Variants in TRAPPC9 observed in about 807,000 individuals in gnomAD.
The protein encoded by TRAPPC9 is IKK2 binding protein.
TRAPPC9 carries 83 observed loss-of-function variants against 124.0 expected under a neutral mutation model. The ratio of observed to expected loss-of-function variants is 0.67; its 90% CI spans 0.56 to 0.80. TRAPPC9 has a LOEUF of 0.80. Among genes scored for constraint, TRAPPC9 ranks in the 30% least tolerant of loss-of-function variants. The pLI is 0.00. For missense variants in TRAPPC9, 1,302 were observed against 1,508.3 expected (o/e 0.86, Z 2.27); for synonymous variants, 638 against 617.5 (o/e 1.03, Z -0.49).
intron 21 of TRAPPC9, among the ~76,000 whole-genome samples, chr8:139,791,714 T>C (rs1250825292): frequency 6.6e-6 from 1 of 152,214 alleles, no homozygotes; most frequent in Non-Finnish European, 1.5e-5. Context: ...CAGGGCAGCA[T>C]GGTGGTCACA....
At chr8:140,356,331 A>C (rs986772210) in intron 9 of TRAPPC9, among the ~76,000 whole-genome samples, 3 of 152,172 alleles carry the variant, frequency 2.0e-5, no homozygotes, top group Non-Finnish European at 4.4e-5. Context: ...AACACAATCT[A>C]CTTCTCAGTG....
At chr8:139,866,341 A>T (rs921326451) in intron 21 of TRAPPC9, among the ~76,000 whole-genome samples, 3 of 152,142 alleles carry the variant, frequency 2.0e-5, no homozygotes, top group Non-Finnish European at 2.9e-5. Flanking sequence ...GTCCATTCAG[A>T]TGGTCAGGGG....
At chr8:140,429,964 T>C (rs994191674) in intron 4 of TRAPPC9, among the ~76,000 whole-genome samples, 3 of 152,022 alleles carry the variant, frequency 2.0e-5, no homozygotes, top group African/African-American at 4.8e-5. Context: ...TTGGCCAACA[T>C]AGCGAAACCG....
At chr8:140,244,613 A>T (rs1389100699) in intron 16 of TRAPPC9, among the ~76,000 whole-genome samples, 4 of 152,268 alleles carry the variant, frequency 2.6e-5, no homozygotes, top group African/African-American at 7.2e-5. Context: ...CTAATTTATC[A>T]ATCTTCCCGA....
intron 18 of TRAPPC9, among the ~76,000 whole-genome samples, chr8:140,018,324 A>ATT (rs1554608008): frequency 0.032 from 3,864 of 119,760 alleles, 427 homozygotes; most frequent in South Asian, 0.088. Context: ...AACGTAAGTG[A>ATT]TTTTTTTTTT....
At chr8:140,113,516 C>T (rs541986068) in intron 17 of TRAPPC9, among the ~76,000 whole-genome samples, 3 of 152,328 alleles carry the variant, frequency 2.0e-5, no homozygotes, top group Non-Finnish European at 4.4e-5. Flanking sequence ...CACCCTTTCC[C>T]GGCTTCAGGG....
Position 140,252,218 on chromosome 8 carries a change from A to C in TRAPPC9, c.2431+559T>G, listed in dbSNP as rs578112778. Among the ~76,000 whole-genome samples the C allele has an allele frequency of 6.6e-6, 1 of 152,042 alleles. No homozygotes were observed. Among genetic ancestry groups the C allele is most frequent in the Non-Finnish European group, 1.5e-5 (1 of 67,986 alleles). On this transcript the variant is annotated intron_variant, in intron 16 of 22. Transcript: ENST00000438773. The surrounding 1 kb of genome is among the most constrained non-coding windows in gnomAD (Gnocchi z 4.2). The stretch of plus-strand genomic sequence containing the variant: ...TTTTTGTATTGTTAATAGAGACAGG[A>C]TTTCACCATGTTGTCCAGGCTGGTC...
intron 5 of TRAPPC9, among the ~76,000 whole-genome samples, chr8:140,425,596 C>CGGGG (rs1194591624): frequency 5.5e-4 from 83 of 152,256 alleles, no homozygotes; most frequent in African/African-American, 2.0e-3. Context: ...ATCTAATTCT[C>CGGGG]CTACAACTAA....
At chr8:139,989,467 C>T (rs918772545) in intron 18 of TRAPPC9, among the ~76,000 whole-genome samples, 1 of 152,242 alleles carries the variant, frequency 6.6e-6, no homozygotes, top group East Asian at 1.9e-4. Context: ...TCCCATTGTT[C>T]CTTGCAAGGG....
At chr8:139,746,845 C>T (rs573281025) in intron 21 of TRAPPC9, among the ~76,000 whole-genome samples, 3 of 152,208 alleles carry the variant, frequency 2.0e-5, no homozygotes, top group Non-Finnish European at 4.4e-5. Context: ...AGGCACTGGG[C>T]CTCTAGTCCC....
chr8:140,220,659 A>C (rs1189332815), intron 17 of TRAPPC9, among the ~76,000 whole-genome samples: 2 of 152,168 alleles, frequency 1.3e-5, no homozygotes, highest in African/African-American at 2.4e-5. Context: ...TGGTTGAGTG[A>C]CAGCAGCTCC....
chr8:139,914,482 G>A (rs1041331452), intron 19 of TRAPPC9, among the ~76,000 whole-genome samples: 1 of 152,240 alleles, frequency 6.6e-6, no homozygotes, highest in Non-Finnish European at 1.5e-5. Flanking sequence ...GCAGCGCAGC[G>A]GGAGATGGCG....
chr8:140,270,099 C>CA (rs1033862470), intron 15 of TRAPPC9, among the ~76,000 whole-genome samples: 99 of 140,738 alleles, frequency 7.0e-4, no homozygotes, highest in African/African-American at 8.3e-4. Flanking sequence ...GACTCCATCT[C>CA]AAAAAAAAAA....
At chr8:140,212,276 G>C (rs1296139440) in intron 17 of TRAPPC9, among the ~76,000 whole-genome samples, 1 of 152,228 alleles carries the variant, frequency 6.6e-6, no homozygotes, top group African/African-American at 2.4e-5. Flanking sequence ...TCCTGTTTCT[G>C]ATTTGCTGAG....
intron 7 of TRAPPC9, among the ~76,000 whole-genome samples, chr8:140,393,195 C>T (rs2068982899): frequency 6.6e-6 from 1 of 152,054 alleles, no homozygotes; most frequent in Admixed American, 6.6e-5. Flanking sequence ...CCTCAGCCTC[C>T]CGAGTAGCTG....
At chr8:139,770,996 T>G (rs926286540) in intron 21 of TRAPPC9, among the ~76,000 whole-genome samples, 6 of 152,084 alleles carry the variant, frequency 3.9e-5, no homozygotes, top group Non-Finnish European at 1.5e-5. Context: ...GAGGGTTGGG[T>G]AGAGGAACTG....
chr8:140,423,642 TA>T (rs1278711339), intron 5 of TRAPPC9, among the ~76,000 whole-genome samples: 7 of 132,986 alleles, frequency 5.3e-5, no homozygotes, highest in African/African-American at 1.9e-4. Context: ...TACACATATA[TA>T]ACACATATAC....
intron 17 of TRAPPC9, among the ~76,000 whole-genome samples, chr8:140,147,145 C>G (rs910155584): frequency 6.6e-6 from 1 of 152,182 alleles, no homozygotes; most frequent in African/African-American, 2.4e-5. Context: ...AGCCAAATAC[C>G]CACTTTGTTG....
At position 140,044,436 on chromosome 8, in the gene TRAPPC9, A is replaced by C. The variant is rs567120893; in HGVS notation, c.2557-20357T>G. On this transcript the variant is annotated intron_variant, in intron 17 of 22. Coordinates refer to ENST00000438773, the MANE Select transcript of TRAPPC9 (RefSeq NM_001160372.4). ...ATGTGCAACTTGCCCAACAAATCCC[A>C]CAGCTTCAGTGGCAGAATTTGGTTC... Among the ~76,000 whole-genome samples the C allele has an allele frequency of 2.9e-4, 44 of 152,322 alleles. No individual in the cohort carries two copies. In the South Asian group the frequency reaches 8.9e-3, roughly 31 times the overall value.
Sources: allele counts gnomAD v4.1 joint callset (sites outside exome capture counted in the v4.1 genomes callset), GRCh38; gene constraint gnomAD v4.1.1; non-coding constraint Gnocchi (gnomAD v3.1); transcripts MANE v1.5; gene names NCBI Gene and HGNC (gene_info 2026-07-23, HGNC 2026-07-21).